Variants in SLC23A2 observed in about 807,000 individuals in gnomAD.
SLC23A2 encodes the protein solute carrier family 23 member 2.
SLC23A2 carries 36 observed loss-of-function variants against 73.3 expected under a neutral mutation model. The observed-to-expected ratio is 0.49, with a 90% CI of 0.38 to 0.65. The LOEUF (loss-of-function observed/expected upper bound fraction) is 0.65, where lower values mean the gene tolerates loss of function less well. Among genes scored for constraint, SLC23A2 ranks in the 30% least tolerant of loss-of-function variants. The probability of loss-of-function intolerance (pLI) is 0.00; values close to 1 mark genes in which losing one functional copy is unlikely to be tolerated. For missense variants in SLC23A2, 507 were observed against 841.6 expected (o/e 0.60, Z 4.92); for synonymous variants, 343 against 327.3 (o/e 1.05, Z -0.52).
chr20:4,894,777 C>T (rs1253180280), intron 6 of SLC23A2, among the ~76,000 whole-genome samples: 1 of 152,262 alleles, frequency 6.6e-6, no homozygotes, highest in Non-Finnish European at 1.5e-5. Context: ...ATCTGTTTCA[C>T]TGTGTCTTCT....
intron 2 of SLC23A2, among the ~76,000 whole-genome samples, chr20:4,937,463 G>A (rs1014644789): frequency 3.9e-5 from 6 of 152,206 alleles, no homozygotes; most frequent in African/African-American, 1.4e-4. Flanking sequence ...GACAATGGCA[G>A]TAATAACTGC....
rs1314206065 is a variant in SLC23A2, at chr20:4,902,502, G to T, written c.264C>A (p.Asp88Glu). Residue 88 changes from aspartate (D) to glutamate (E), a missense_variant, in exon 5 of 17, where the codon GAC (aspartate) becomes GAA (glutamate). By Grantham distance (45) the Asp-to-Glu change is conservative. Around this residue, in one of 5 missense-constraint regions of SLC23A2, gnomAD observed 78 missense variants for 86.7 expected, o/e 0.90. Coordinates refer to ENST00000338244, the MANE Select transcript of SLC23A2 (RefSeq NM_005116.6). The surrounding 1 kb of genome is among the most constrained non-coding windows in gnomAD (Gnocchi z 4.0). ...STGSLDPQRS[D>E]MIYTIEDVPP... ...GAACATCTTCTATGGTATAAATCAT[G>T]TCTGATCGCTGGGGGTCCAGACTGC... 1.9e-6 allele frequency: 3 copies of T among 1,613,096 alleles called. No individual in the cohort carries two copies. The highest frequency in any genetic ancestry group is 2.7e-5 in the African/African-American group (2 of 74,848).
chr20:4,932,726 A>G lies in SLC23A2; in HGVS notation c.-154-10T>C. ...CGGCATCTCTTAGCACCTAGAAAAG[A>G]AGAGCACAGCCAAATCACCCCAAAG... On this transcript the variant is annotated splice_polypyrimidine_tract_variant and intron_variant, in intron 2 of 16. Transcript: ENST00000338244. The G allele has an allele frequency of 3.4e-6, 2 of 590,282 alleles. No individual in the cohort carries two copies. The highest frequency in any genetic ancestry group is 6.0e-6 in the Non-Finnish European group (2 of 331,798). 36.6% of individuals were successfully genotyped at this position (590,282 alleles called of 1,614,324 possible).
chr20:4,993,224 C>CAGTG (rs201689750), intron 1 of SLC23A2, among the ~76,000 whole-genome samples: 1,866 of 150,008 alleles, frequency 0.012, 38 homozygotes, highest in African/African-American at 0.042. Flanking sequence ...GTGGAGCTTG[C>CAGTG]AGTGAGCTGA....
intron 1 of SLC23A2, among the ~76,000 whole-genome samples, chr20:4,979,564 G>GA (rs545532936): frequency 8.6e-5 from 13 of 151,870 alleles, no homozygotes; most frequent in African/African-American, 2.9e-4. Flanking sequence ...CTAAATATAT[G>GA]AAAAAAATAT....
In SLC23A2 at chr20:4,874,706, G is replaced by C. The variant is rs376713498; in HGVS notation, c.825-10C>G. On this transcript the variant is annotated splice_polypyrimidine_tract_variant and intron_variant, in intron 9 of 16. Transcript: ENST00000338244. ...TACTAGGAATATTGTCCTGAGGAGA[G>C]AAAGAAAACAAACTAGGTCAAAAGC... 3.2e-4 allele frequency: 502 copies of C among 1,573,846 alleles called. No homozygotes were observed. Among genetic ancestry groups the C allele is most frequent in the Non-Finnish European group, 4.2e-4 (482 of 1,159,714 alleles).
chr20:4,913,608 T>TTTG (rs72552235), intron 3 of SLC23A2, among the ~76,000 whole-genome samples: 2,590 of 151,956 alleles, frequency 0.017, 59 homozygotes, highest in African/African-American at 0.052. Context: ...TTTTTTAGGT[T>TTTG]TTGTTGTTGT....
At chr20:4,896,632 C>T (rs1484358673) in intron 6 of SLC23A2, among the ~76,000 whole-genome samples, 1 of 152,158 alleles carries the variant, frequency 6.6e-6, no homozygotes, top group African/African-American at 2.4e-5. Flanking sequence ...AAGAGTGAGA[C>T]TGGGGAATGA....
At chr20:4,973,456 G>C (rs1248196905) in intron 1 of SLC23A2, among the ~76,000 whole-genome samples, 3 of 124,808 alleles carry the variant, frequency 2.4e-5, no homozygotes, top group East Asian at 4.7e-4. Flanking sequence ...TGGCAAGATG[G>C]CTGGAAGGAC....
intron 6 of SLC23A2, among the ~76,000 whole-genome samples, chr20:4,892,558 G>C (rs1406568034): frequency 6.6e-6 from 1 of 152,010 alleles, no homozygotes; most frequent in Non-Finnish European, 1.5e-5. Context: ...TTTTTTATTT[G>C]GGCACAAAAC....
At chr20:4,954,576 T>C (rs1033093710) in intron 2 of SLC23A2, among the ~76,000 whole-genome samples, 10 of 151,584 alleles carry the variant, frequency 6.6e-5, no homozygotes, top group African/African-American at 2.2e-4. Flanking sequence ...CGGGCGCCTG[T>C]AGTCCCAGCT....
intron 2 of SLC23A2, among the ~76,000 whole-genome samples, chr20:4,953,462 A>G (rs1449133353): frequency 6.6e-6 from 1 of 152,186 alleles, no homozygotes; most frequent in Non-Finnish European, 1.5e-5. Flanking sequence ...AACTATGACA[A>G]TTAGAGAAAC....
chr20:4,941,359 T>C (rs2087038349), intron 2 of SLC23A2, among the ~76,000 whole-genome samples: 1 of 151,964 alleles, frequency 6.6e-6, no homozygotes, highest in South Asian at 2.1e-4. Flanking sequence ...TAAGATTCCA[T>C]CTCTACAAAA....
At chr20:4,924,345 G>T (rs1398545451) in intron 3 of SLC23A2, among the ~76,000 whole-genome samples, 1 of 152,110 alleles carries the variant, frequency 6.6e-6, no homozygotes, top group East Asian at 1.9e-4. Flanking sequence ...CCTGGAATGG[G>T]TGTCTCTTTC....
chr20:4,879,296 C>T (rs1013701675), intron 9 of SLC23A2, among the ~76,000 whole-genome samples: 9 of 149,206 alleles, frequency 6.0e-5, no homozygotes, highest in East Asian at 2.0e-4. Flanking sequence ...GTAATCCCAG[C>T]GACTTGGGAG....
chr20:4,980,404 G>A (rs1022514835), intron 1 of SLC23A2, among the ~76,000 whole-genome samples: 1 of 151,656 alleles, frequency 6.6e-6, no homozygotes, highest in Non-Finnish European at 1.5e-5. Flanking sequence ...TACAAATAAA[G>A]GACTATTTAG....
rs183254047 is a variant in SLC23A2 at position 4,975,995 on chromosome 20, G to A, written c.-281-5076C>T. 6.5e-3 allele frequency among the ~76,000 whole-genome samples: 984 copies of A among 151,208 alleles called. 8 individuals carry two copies. Among genetic ancestry groups the A allele is most frequent in the African/African-American group, 0.021 (864 of 41,234 alleles). On this transcript the variant is annotated intron_variant, in intron 1 of 16. Transcript: ENST00000338244. ...CAGCCTCCCGAGTAGCTGGGATTACGGGCACCTGTCACCAGGCCCGGCTAA... is the reference window on the plus strand; with the variant it reads ...CAGCCTCCCGAGTAGCTGGGATTACAGGCACCTGTCACCAGGCCCGGCTAA...
chr20:4,961,150 C>A (rs565658378), intron 2 of SLC23A2, among the ~76,000 whole-genome samples: 1 of 150,426 alleles, frequency 6.6e-6, no homozygotes, highest in African/African-American at 2.4e-5. Flanking sequence ...CTCTGTCGCC[C>A]AGGCTGGAGT....
chr20:4,915,010 C>T (rs1237366233), intron 3 of SLC23A2, among the ~76,000 whole-genome samples: 4 of 151,842 alleles, frequency 2.6e-5, no homozygotes, highest in African/African-American at 9.7e-5. Context: ...AGCAAGACAT[C>T]GACTCTAAAT....
Sources: gnomAD v4.1 joint callset for allele counts (sites outside exome capture counted in the v4.1 genomes callset) on GRCh38, gnomAD v4.1.1 for gene constraint, gnomAD v4.1.1 regional missense constraint, Gnocchi (gnomAD v3.1) non-coding constraint, MANE v1.5 for transcripts, NCBI Gene and HGNC (gene_info 2026-07-23, HGNC 2026-07-21) for gene names.